Variants in WWOX observed in about 807,000 individuals in gnomAD.
The protein encoded by WWOX is WW domain containing oxidoreductase, also known as WW domain-containing oxidoreductase.
In WWOX, 69 loss-of-function variants were observed where a neutral mutation model predicts 46.2. The observed-to-expected ratio is 1.49, with a 90% confidence interval of 1.23 to 1.82. WWOX has a LOEUF of 1.82. Among genes scored for constraint, WWOX ranks in the 40% most tolerant of loss-of-function variants. WWOX has a pLI of 0.00. For synonymous variants in WWOX, 359 were observed against 202.6 expected, an observed-to-expected ratio of 1.77 and a Z score of -6.56; for missense variants, 919 against 542.6, an observed-to-expected ratio of 1.69 and a Z score of -6.89.
At chr16:78,351,372 G>A (rs1297084984) in intron 5 of WWOX, among the ~76,000 whole-genome samples, 2 of 152,188 alleles carry the variant, frequency 1.3e-5, no homozygotes, top group African/African-American at 4.8e-5. Flanking sequence ...GTTGTGTCAG[G>A]TAGAAAACTG....
chr16:78,368,698 C>G (rs1011159953), intron 5 of WWOX, among the ~76,000 whole-genome samples: 2 of 152,206 alleles, frequency 1.3e-5, no homozygotes, highest in Non-Finnish European at 2.9e-5. Context: ...CTTCCCCTCC[C>G]CCCTCTAATG....
intron 8 of WWOX, among the ~76,000 whole-genome samples, chr16:78,668,794 G>C (rs1412633409): frequency 6.6e-6 from 1 of 152,142 alleles, no homozygotes; most frequent in African/African-American, 2.4e-5. Flanking sequence ...GGGAATAGCA[G>C]GTACAGCAGC....
rs1567508330 is a variant in WWOX, at chr16:78,334,807, C to CGT, written c.517-52052_517-52051insTG. On this transcript the variant is annotated intron_variant, in intron 5 of 8. Coordinates refer to ENST00000566780, the MANE Select transcript of WWOX (RefSeq NM_016373.4). ...AGTCTCCCCTCCACACACACACACA[C>CGT]GCACACACACACACACACACACACA... Among the ~76,000 whole-genome samples, 289 of 45,810 alleles carry CGT rather than the reference C, an allele frequency of 6.3e-3. 2 individuals carry two copies. Among genetic ancestry groups the CGT allele is most frequent in the Non-Finnish European group, 8.9e-3 (214 of 24,038 alleles). 30.1% of individuals were successfully genotyped at this position (45,810 alleles called of 152,430 possible). A position where few individuals can be genotyped will look rare whatever the true frequency, so the allele number is the denominator to read the frequency against.
chr16:78,795,126 G>C (rs2050703478), intron 8 of WWOX, among the ~76,000 whole-genome samples: 1 of 152,114 alleles, frequency 6.6e-6, no homozygotes, highest in Admixed American at 6.6e-5. Flanking sequence ...TGATGGTGAT[G>C]ATATTGATAA....
At chr16:78,279,395 T>C (rs1218226690) in intron 5 of WWOX, among the ~76,000 whole-genome samples, 1 of 152,170 alleles carries the variant, frequency 6.6e-6, no homozygotes, top group East Asian at 1.9e-4. Context: ...TTTGTCTCTA[T>C]CTTTCATGGA....
intron 8 of WWOX, among the ~76,000 whole-genome samples, chr16:79,162,535 T>G (rs1308643934): frequency 6.6e-6 from 1 of 152,138 alleles, no homozygotes; most frequent in African/African-American, 2.4e-5. Flanking sequence ...AAGGCCTCAG[T>G]TACCTCTAGC....
intron 8 of WWOX, chr16:79,206,350 A>G (rs1008175342): frequency 9.2e-5 from 14 of 152,238 alleles, no homozygotes; most frequent in African/African-American, 2.7e-4. Context: ...AGCAGGTTTC[A>G]TGTACCAACG....
At position 79,211,661 on chromosome 16, in the gene WWOX, T is replaced by G. The variant is rs901897952; in HGVS notation, c.1110T>G (p.Gly370=). The G allele has an allele frequency of 3.7e-6, 6 of 1,613,618 alleles. No homozygotes were observed. Among genetic ancestry groups the G allele is most frequent in the Middle Eastern group, 1.6e-4 (1 of 6,084 alleles). ...GTGCTGCTGTCCCAGAACTGGAGGGTCTGGGAGGGATGTACTTCAACAACT... is the reference window on the plus strand; with the variant it reads ...GTGCTGCTGTCCCAGAACTGGAGGGGCTGGGAGGGATGTACTTCAACAACT... ...VYCAAVPELE[G]LGGMYFNNCC... is the part of the protein sequence containing the mutation. The change falls in exon 9 of 9, where the codon GGT becomes GGG. Residue 370 remains glycine, a synonymous_variant. Transcript: ENST00000566780.
chr16:78,881,129 A>T (rs2044335300), intron 8 of WWOX, among the ~76,000 whole-genome samples: 1 of 151,424 alleles, frequency 6.6e-6, no homozygotes, highest in Admixed American at 6.6e-5. Flanking sequence ...GGGAGCTGGG[A>T]CCACAGGGGC....
chr16:78,333,438 A>C (rs2080810382), intron 5 of WWOX, among the ~76,000 whole-genome samples: 1 of 152,154 alleles, frequency 6.6e-6, no homozygotes, highest in South Asian at 2.1e-4. Flanking sequence ...TAATCATGGT[A>C]TTTAGTGAGT....
intron 8 of WWOX, among the ~76,000 whole-genome samples, chr16:79,188,534 C>T (rs1325112264): frequency 6.6e-6 from 1 of 152,202 alleles, no homozygotes; most frequent in Non-Finnish European, 1.5e-5. Flanking sequence ...TGGAATGCCT[C>T]AGAATCATTC....
chr16:78,307,225 CATTGCTAGCACA>C (rs1168482281), intron 5 of WWOX, among the ~76,000 whole-genome samples: 1 of 152,174 alleles, frequency 6.6e-6, no homozygotes, highest in African/African-American at 2.4e-5. Context: ...GCTGCCCGTT[CATTGCTAGCACA>C]ATGCCAAGTG....
At chr16:78,902,347 C>T (rs2044850871) in intron 8 of WWOX, among the ~76,000 whole-genome samples, 1 of 152,212 alleles carries the variant, frequency 6.6e-6, no homozygotes, top group South Asian at 2.1e-4. Context: ...GCATATTATT[C>T]CCAGGGTAAA....
intron 8 of WWOX, chr16:79,206,223 C>A (rs1035765807): frequency 2.0e-5 from 3 of 152,254 alleles, no homozygotes; most frequent in African/African-American, 7.2e-5. Context: ...CATGGCCAGA[C>A]ATGGCCTGGC....
At chr16:78,954,151 G>GA (rs2046118374) in intron 8 of WWOX, among the ~76,000 whole-genome samples, 1 of 152,162 alleles carries the variant, frequency 6.6e-6, no homozygotes, top group Non-Finnish European at 1.5e-5. Context: ...ATGTCTGTCA[G>GA]AGTAGGCATG....
At chr16:78,972,920 G>A (rs925574993) in intron 8 of WWOX, among the ~76,000 whole-genome samples, 1 of 152,100 alleles carries the variant, frequency 6.6e-6, no homozygotes, top group Non-Finnish European at 1.5e-5. Context: ...GGAGCCTCCC[G>A]ACCGAAGGGC....
intron 8 of WWOX, among the ~76,000 whole-genome samples, chr16:78,950,097 A>G (rs1298693672): frequency 1.3e-5 from 2 of 152,216 alleles, no homozygotes; most frequent in African/African-American, 2.4e-5. Context: ...GTTCTCAACT[A>G]TGATATACTG....
chr16:78,700,170 G>A (rs538987124), intron 8 of WWOX, among the ~76,000 whole-genome samples: 13 of 152,086 alleles, frequency 8.5e-5, no homozygotes, highest in African/African-American at 3.1e-4. Flanking sequence ...ACCGTTGACT[G>A]GGTGGCTTGA....
chr16:79,066,719 C>A (rs2048448762), intron 8 of WWOX, among the ~76,000 whole-genome samples: 1 of 152,196 alleles, frequency 6.6e-6, no homozygotes, highest in South Asian at 2.1e-4. Flanking sequence ...GAGCCTGCCG[C>A]CTCAAGGGAC....
Sources: allele counts gnomAD v4.1 joint callset (sites outside exome capture counted in the v4.1 genomes callset), GRCh38; gene constraint gnomAD v4.1.1; transcripts MANE v1.5; gene names NCBI Gene and HGNC (gene_info 2026-07-23, HGNC 2026-07-21).